The following OSBPL1A variants were observed in gnomAD, a reference collection of about 807,000 sequenced individuals.
The protein encoded by OSBPL1A is oxysterol binding protein like 1A.
In OSBPL1A, 80 loss-of-function variants were observed where a neutral mutation model predicts 137.1. The observed-to-expected ratio is 0.58, with a 90% confidence interval of 0.49 to 0.70. The LOEUF is 0.70. Among genes scored for constraint, OSBPL1A ranks in the 30% least tolerant of loss-of-function variants. OSBPL1A has a pLI of 0.00. For synonymous variants in OSBPL1A, 365 were observed against 389.7 expected, an observed-to-expected ratio of 0.94 and a Z score of 0.75; for missense variants, 970 against 1,129.4, an observed-to-expected ratio of 0.86 and a Z score of 2.02.
intron 15 of OSBPL1A, among the ~76,000 whole-genome samples, chr18:24,275,152 C>T (rs1344169899): frequency 6.6e-6 from 1 of 152,054 alleles, no homozygotes; most frequent in Non-Finnish European, 1.5e-5. Context: ...CAGAAAGTAT[C>T]ACATTTTCAA....
intron 5 of OSBPL1A, among the ~76,000 whole-genome samples, chr18:24,339,743 C>T (rs185186448): frequency 2.8e-4 from 43 of 152,322 alleles, no homozygotes; most frequent in African/African-American, 9.1e-4. Flanking sequence ...ATGTTCTCCA[C>T]GTTACTAAAT....
chr18:24,325,011 A>C (rs2090947102), intron 7 of OSBPL1A, among the ~76,000 whole-genome samples: 1 of 149,284 alleles, frequency 6.7e-6, no homozygotes, highest in South Asian at 2.1e-4. Context: ...GCTTGAAGCC[A>C]GGAGGTGGAC....
At chr18:24,195,062 G>C (rs2086987540) in intron 18 of OSBPL1A, among the ~76,000 whole-genome samples, 1 of 152,194 alleles carries the variant, frequency 6.6e-6, no homozygotes, top group Admixed American at 6.5e-5. Flanking sequence ...ACTTTGGAAG[G>C]CTGAGGTGGG....
chr18:24,284,431 A>C (rs2090028972), intron 14 of OSBPL1A, among the ~76,000 whole-genome samples: 2 of 152,218 alleles, frequency 1.3e-5, no homozygotes, highest in Admixed American at 1.3e-4. Context: ...AACGTTTTTA[A>C]AGTCATGAAA....
At position 24,271,466 on chromosome 18, in the gene OSBPL1A, G is replaced by A. The variant is rs2089716038; in HGVS notation, c.1281+9376C>T. The stretch of plus-strand genomic sequence containing the variant: ...GGTGCGCCCCTCCCCACGCGCCCGC[G>A]GCTGCACCCCACTCTGCACACACAC... On this transcript the variant is annotated intron_variant, in intron 15 of 27. Coordinates refer to ENST00000319481, the MANE Select transcript of OSBPL1A (RefSeq NM_080597.4). The surrounding 1 kb of genome is among the most constrained non-coding windows in gnomAD (Gnocchi z 4.0). The A allele has an allele frequency of 1.3e-6, 1 of 798,402 alleles. No homozygotes were observed. Among genetic ancestry groups the A allele is most frequent in the Non-Finnish European group, 1.5e-6 (1 of 659,174 alleles). The allele number at this position is 798,402 out of a possible 1,614,324, so 49.5% of individuals were successfully genotyped here. A position where few individuals can be genotyped will look rare whatever the true frequency, so the allele number is the denominator to read the frequency against.
intron 18 of OSBPL1A, among the ~76,000 whole-genome samples, chr18:24,190,635 G>A (rs569687948): frequency 6.6e-6 from 1 of 152,266 alleles, no homozygotes; most frequent in South Asian, 2.1e-4. Flanking sequence ...TAGAGTGTGG[G>A]GGTAGAGATA....
chr18:24,290,414 C>A (rs1477236768), intron 14 of OSBPL1A, among the ~76,000 whole-genome samples: 1 of 152,212 alleles, frequency 6.6e-6, no homozygotes, highest in Non-Finnish European at 1.5e-5. Context: ...GGCATAGTGG[C>A]TCACGCCTGT....
At chr18:24,253,654 G>T (rs1362586171) in intron 15 of OSBPL1A, among the ~76,000 whole-genome samples, 1 of 152,218 alleles carries the variant, frequency 6.6e-6, no homozygotes, top group African/African-American at 2.4e-5. Context: ...GACTGGTCAG[G>T]TTGAAGATGG....
intron 5 of OSBPL1A, among the ~76,000 whole-genome samples, chr18:24,338,449 T>A (rs1289381114): frequency 6.6e-6 from 1 of 152,134 alleles, no homozygotes; most frequent in Non-Finnish European, 1.5e-5. Flanking sequence ...AACAATAGTC[T>A]ATCCTTTGCT....
At chr18:24,232,290 C>T (rs1383821204) in intron 16 of OSBPL1A, among the ~76,000 whole-genome samples, 4 of 152,288 alleles carry the variant, frequency 2.6e-5, no homozygotes, top group East Asian at 1.9e-4. Flanking sequence ...CAAGAGACTG[C>T]TGCAATAATT....
intron 16 of OSBPL1A, among the ~76,000 whole-genome samples, chr18:24,234,442 A>G (rs1470849094): frequency 2.6e-5 from 4 of 152,304 alleles, no homozygotes; most frequent in Non-Finnish European, 4.4e-5. Context: ...ATTTGTGGGG[A>G]AAAAAATCTG....
At chr18:24,209,145 C>A (rs905691849) in intron 17 of OSBPL1A, among the ~76,000 whole-genome samples, 3 of 152,202 alleles carry the variant, frequency 2.0e-5, no homozygotes, top group African/African-American at 4.8e-5. Flanking sequence ...AATGAAAGGG[C>A]AAGCTACCAA....
At chr18:24,305,071 C>A (rs1439478570) in intron 13 of OSBPL1A, among the ~76,000 whole-genome samples, 1 of 152,162 alleles carries the variant, frequency 6.6e-6, no homozygotes. Flanking sequence ...AATAGAAAAT[C>A]ATCATTCTTG....
At chr18:24,388,356 G>A (rs768055023) in intron 1 of OSBPL1A, among the ~76,000 whole-genome samples, 5 of 151,988 alleles carry the variant, frequency 3.3e-5, no homozygotes, top group East Asian at 3.8e-4. Flanking sequence ...ATGGATGGGC[G>A]GATGGATGAG....
intron 20 of OSBPL1A, 132 bp from the exon 21 acceptor site, chr18:24,178,327 T>G (rs1210382239): frequency 1.1e-6 from 1 of 947,978 alleles, no homozygotes; most frequent in Non-Finnish European, 1.5e-6. Context: ...AAAATCTTGC[T>G]CTGTCGCTCA....
At chr18:24,376,079 G>A (rs910664855) in intron 2 of OSBPL1A, among the ~76,000 whole-genome samples, 3 of 152,078 alleles carry the variant, frequency 2.0e-5, no homozygotes, top group Non-Finnish European at 2.9e-5. Context: ...TTATTGCGAA[G>A]AGCAAAAGAA....
intron 14 of OSBPL1A, among the ~76,000 whole-genome samples, chr18:24,290,363 A>G (rs533006333): frequency 3.9e-5 from 6 of 152,302 alleles, no homozygotes; most frequent in Non-Finnish European, 8.8e-5. Flanking sequence ...TGGGTGTCAG[A>G]CAGAACATAC....
At chr18:24,358,669 C>T (rs1051201333) in intron 4 of OSBPL1A, among the ~76,000 whole-genome samples, 2 of 152,194 alleles carry the variant, frequency 1.3e-5, no homozygotes, top group Non-Finnish European at 1.5e-5. Context: ...CAGGATTATA[C>T]ATATATTCTG....
chr18:24,208,244 T>C (rs1392818061), intron 17 of OSBPL1A, among the ~76,000 whole-genome samples: 1 of 152,108 alleles, frequency 6.6e-6, no homozygotes, highest in Non-Finnish European at 1.5e-5. Context: ...ACTGTAGTAA[T>C]TAAAAAGTCT....
Sources: gnomAD v4.1 joint callset for allele counts (sites outside exome capture counted in the v4.1 genomes callset) on GRCh38, gnomAD v4.1.1 for gene constraint, Gnocchi (gnomAD v3.1) non-coding constraint, MANE v1.5 for transcripts, NCBI Gene and HGNC (gene_info 2026-07-23, HGNC 2026-07-21) for gene names.